The following CPM variants were observed in gnomAD, a reference collection of about 807,000 sequenced individuals.
The protein encoded by CPM is renal carboxypeptidase.
In CPM, 35 loss-of-function variants were observed where a neutral mutation model predicts 46.4. The observed-to-expected ratio is 0.75, with a 90% CI of 0.58 to 1.00. The LOEUF (loss-of-function observed/expected upper bound fraction) is 1.00, where lower values mean the gene tolerates loss of function less well. Ranked by LOEUF, CPM falls within the 50% of genes least tolerant of loss-of-function variation. CPM has a pLI of 0.00. For missense variants in CPM, 422 were observed against 530.4 expected (o/e 0.80, Z 2.01); for synonymous variants, 195 against 195.3 (o/e 1.00, Z 0.01).
At chr12:68,941,079 T>A (rs140154747) in intron 1 of CPM, among the ~76,000 whole-genome samples, 1,655 of 152,220 alleles carry the variant, frequency 0.011, 34 homozygotes, top group African/African-American at 0.038. Context: ...AATCATGCAA[T>A]ATTTGTCTTT....
At chr12:68,878,911 G>T (rs61926282) in intron 3 of CPM, among the ~76,000 whole-genome samples, 6,605 of 152,312 alleles carry the variant, frequency 0.043, 178 homozygotes, top group Middle Eastern at 0.095. Flanking sequence ...ATTTAGGCTG[G>T]GCGCAATGGC....
At chr12:68,936,534 C>G (rs1351510102), upstream of CPM, among the ~76,000 whole-genome samples, 2 of 152,126 alleles carry the variant, frequency 1.3e-5, no homozygotes, top group East Asian at 3.9e-4. Flanking sequence ...CAGGTGCCCA[C>G]CACCACGCCT....
intron 3 of CPM, among the ~76,000 whole-genome samples, chr12:68,881,219 G>T (rs554787509): frequency 7.5e-4 from 114 of 152,272 alleles, no homozygotes; most frequent in African/African-American, 2.7e-3. Flanking sequence ...CAAACCTTTA[G>T]ATTTAATTTC....
chr12:68,933,052 G>A (rs968112559), intron 1 of CPM, 90 bp downstream of exon 1: 12 of 479,238 alleles, frequency 2.5e-5, no homozygotes, highest in Non-Finnish European at 4.1e-5. Flanking sequence ...CGACCCAGCC[G>A]CCCGCGCCTC....
intron 2 of CPM, 44 bp downstream of exon 2, chr12:68,932,634 G>A (rs1363275075): frequency 1.9e-6 from 3 of 1,607,060 alleles, no homozygotes; most frequent in Non-Finnish European, 2.6e-6. Flanking sequence ...ATACTGAAAG[G>A]GAGGACTGAG....
chr12:68,893,245 A>G (rs1483062136), intron 2 of CPM, among the ~76,000 whole-genome samples: 2 of 151,810 alleles, frequency 1.3e-5, no homozygotes, highest in Admixed American at 1.3e-4. Context: ...TCTCTGGGAC[A>G]CACACCTTTT....
At chr12:68,885,741 C>T (rs779136063) in intron 3 of CPM, 51 bp downstream of exon 3, 4 of 1,454,942 alleles carry the variant, frequency 2.7e-6, no homozygotes, top group Non-Finnish European at 3.9e-6. Flanking sequence ...TCAAGAGACC[C>T]TAGGGGAAGC....
rs1476537898 is a variant in CPM at position 68,856,694 on chromosome 12, G to T, written c.1090-15C>A. The T allele has an allele frequency of 6.2e-7, 1 of 1,611,970 alleles. No individual in the cohort carries two copies. The highest frequency in any genetic ancestry group is 1.7e-5 in the Admixed American group (1 of 59,800). On this transcript the variant is annotated splice_polypyrimidine_tract_variant and intron_variant, in intron 8 of 8. Coordinates refer to ENST00000551568, the MANE Select transcript of CPM (RefSeq NM_198320.5). ...GGGACTGTAACCTGAGAAGAAACAAGAGACAATTATATGAGTGACTTAAGA... is the reference window on the plus strand; with the variant it reads ...GGGACTGTAACCTGAGAAGAAACAATAGACAATTATATGAGTGACTTAAGA...
At chr12:68,894,669 T>G (rs1342945040) in intron 2 of CPM, among the ~76,000 whole-genome samples, 1 of 152,196 alleles carries the variant, frequency 6.6e-6, no homozygotes, top group African/African-American at 2.4e-5. Flanking sequence ...TTTTTCTCTC[T>G]TCAGAATATT....
downstream of CPM, chr12:68,847,805 T>A (rs1212863972): frequency 6.6e-6 from 1 of 152,232 alleles, no homozygotes; most frequent in Non-Finnish European, 1.5e-5. Context: ...TAGTAAAGGA[T>A]GTTGATTGGC....
intron 1 of CPM, among the ~76,000 whole-genome samples, chr12:68,962,181 C>A (rs1269584759): frequency 7.5e-6 from 1 of 133,226 alleles, no homozygotes; most frequent in Non-Finnish European, 1.5e-5. Context: ...GCCTGGGCGA[C>A]AGAGCGAGAC....
intron 3 of CPM, among the ~76,000 whole-genome samples, chr12:68,878,759 G>A (rs539234348): frequency 9.9e-5 from 15 of 152,224 alleles, no homozygotes; most frequent in Admixed American, 6.5e-4. Flanking sequence ...TGCTCTATCT[G>A]GACAACAGGC....
intron 8 of CPM, among the ~76,000 whole-genome samples, chr12:68,858,212 C>A (rs149255536): frequency 1.8e-3 from 275 of 152,278 alleles, no homozygotes; most frequent in African/African-American, 6.6e-3. Flanking sequence ...TTGGCATAAG[C>A]CCCACTAAGC....
chr12:68,883,947 A>T (rs967887626), intron 3 of CPM, among the ~76,000 whole-genome samples: 2 of 149,942 alleles, frequency 1.3e-5, no homozygotes, highest in Non-Finnish European at 1.5e-5. Context: ...AAAAAAAAAA[A>T]ATACAAAAAA....
intron 1 of CPM, among the ~76,000 whole-genome samples, chr12:68,956,547 G>A (rs532315968): frequency 6.6e-6 from 1 of 152,344 alleles, no homozygotes; most frequent in Admixed American, 6.5e-5. Context: ...AGGTCTGTCT[G>A]ACTCCAAAAC....
chr12:68,952,567 G>A (rs780202043), intron 1 of CPM, among the ~76,000 whole-genome samples: 5 of 152,204 alleles, frequency 3.3e-5, no homozygotes, highest in African/African-American at 4.8e-5. Flanking sequence ...GAGTGATCGG[G>A]CAGGCCCCAC....
At chr12:68,872,568 A>G (rs989902252) in intron 3 of CPM, among the ~76,000 whole-genome samples, 1 of 152,126 alleles carries the variant, frequency 6.6e-6, no homozygotes, top group African/African-American at 2.4e-5. Context: ...AATGATTCTT[A>G]CAACATTTTT....
chr12:68,858,996 T>C lies in CPM; in HGVS notation c.1016A>G (p.His339Arg), dbSNP rs147258017. ...NVIVEVQDRK[H>R]ICPYRTNKYG... ...TTTGTTGGTTCTATAGGGGCAGATA[T>C]GTTTTCTGTCTTGGACTTCCACAAT... Residue 339 changes from histidine (H) to arginine (R), a missense_variant, in exon 8 of 9, where the codon CAT (histidine) becomes CGT (arginine). Transcript: ENST00000551568. 174 of 1,575,848 alleles carry C rather than the reference T, an allele frequency of 1.1e-4. No homozygotes were observed. The highest frequency in any genetic ancestry group is 1.4e-4 in the Non-Finnish European group (168 of 1,161,000).
intron 2 of CPM, among the ~76,000 whole-genome samples, chr12:68,918,843 C>T (rs1887921369): frequency 1.3e-5 from 2 of 152,306 alleles, no homozygotes; most frequent in Admixed American, 6.5e-5. Context: ...CTAAAGTTAT[C>T]TTTCTAAAAC....
Sources: gnomAD v4.1 joint callset for allele counts (sites outside exome capture counted in the v4.1 genomes callset) on GRCh38, gnomAD v4.1.1 for gene constraint, MANE v1.5 for transcripts, NCBI Gene and HGNC (gene_info 2026-07-23, HGNC 2026-07-21) for gene names.